Variants in THSD7A observed in about 807,000 individuals in gnomAD.
THSD7A encodes thrombospondin type-1 domain-containing protein 7A.
THSD7A carries 96 observed loss-of-function variants against 231.3 expected under a neutral mutation model. The ratio of observed to expected loss-of-function variants is 0.41; its 90% CI spans 0.35 to 0.49. The LOEUF (loss-of-function observed/expected upper bound fraction) is 0.49, where lower values mean the gene tolerates loss of function less well. THSD7A is among the 20% of genes least tolerant of loss of function. THSD7A has a pLI of 0.05. For missense variants in THSD7A, 2,290 were observed against 2,070.2 expected (o/e 1.11, Z -2.06); for synonymous variants, 940 against 743.3 (o/e 1.26, Z -4.30).
chr7:11,556,846 C>T (rs186291565), intron 4 of THSD7A, among the ~76,000 whole-genome samples: 23 of 152,070 alleles, frequency 1.5e-4, no homozygotes, highest in Non-Finnish European at 2.8e-4. Context: ...ATTTCTTTTT[C>T]TTGTAGTAAG....
Position 11,375,881 on chromosome 7 carries a change from G to T in THSD7A, c.4890-3C>A. The T allele has an allele frequency of 6.2e-7, 1 of 1,611,904 alleles. No individual in the cohort carries two copies. The highest frequency in any genetic ancestry group is 1.1e-5 in the South Asian group (1 of 90,978). ...TTTGGGGTTTCTTTGGCTTTTTGCT[G>T]TAAAAAAATTCGGAATTAGGAGAAA... is the stretch of plus-strand genomic sequence containing the variant. On this transcript the variant is annotated splice_polypyrimidine_tract_variant and splice_region_variant and intron_variant, in intron 27 of 27. Transcript: ENST00000423059.
intron 14 of THSD7A, among the ~76,000 whole-genome samples, chr7:11,428,434 C>A (rs1372449278): frequency 6.6e-6 from 1 of 152,138 alleles, no homozygotes; most frequent in East Asian, 1.9e-4. Flanking sequence ...AAATTGATAG[C>A]ATACTTACAG....
chr7:11,703,758 A>T (rs907637571), intron 1 of THSD7A, among the ~76,000 whole-genome samples: 2 of 151,346 alleles, frequency 1.3e-5, no homozygotes, highest in Admixed American at 1.3e-4. Context: ...GATCAAATAG[A>T]CTTGGATGGA....
In THSD7A at chr7:11,531,776, G is replaced by A. The variant is rs541251515; in HGVS notation, c.1822+9643C>T. ...ACACAGTGAGGTTAAAATGTCAGTA[G>A]GGTTTGGCTGGCACTTCCGGGTATA... is the stretch of plus-strand genomic sequence containing the variant. On this transcript the variant is annotated intron_variant, in intron 6 of 27. Transcript: ENST00000423059. Among the ~76,000 whole-genome samples the A allele has an allele frequency of 2.6e-5, 4 of 152,276 alleles. No individual in the cohort carries two copies. The South Asian group carries it at 8.3e-4, about 32-fold the overall frequency.
chr7:11,610,815 A>C (rs931973303), intron 2 of THSD7A, among the ~76,000 whole-genome samples: 4 of 152,180 alleles, frequency 2.6e-5, no homozygotes, highest in African/African-American at 9.6e-5. Context: ...ATATTTGTTC[A>C]ACTTAATGGA....
At chr7:11,447,803 G>A (rs977827382) in intron 11 of THSD7A, among the ~76,000 whole-genome samples, 4 of 152,134 alleles carry the variant, frequency 2.6e-5, no homozygotes, top group African/African-American at 9.7e-5. Flanking sequence ...TGAGCATAGG[G>A]TGTTTGGAGA....
In THSD7A at chr7:11,379,074, C is replaced by T; in HGVS notation, c.4797G>A (p.Gly1599=). ...RGRTWFLQPF[G]PDGRLKTWVY... ...ACACTAGTCTAGTCAGTTCACCTGG[C>T]CCAAATGGCTGTAGAAACCAGGTCC... Residue 1599 remains glycine (G), a synonymous_variant, in exon 26 of 28, where the codon GGG becomes GGA. Coordinates refer to ENST00000423059, the MANE Select transcript of THSD7A (RefSeq NM_015204.3). 1 of 1,612,950 alleles carries T rather than the reference C, an allele frequency of 6.2e-7. No individual in the cohort carries two copies. Among genetic ancestry groups the T allele is most frequent in the East Asian group, 2.2e-5 (1 of 44,850 alleles).
chr7:11,561,947 A>T (rs747621121), intron 4 of THSD7A, among the ~76,000 whole-genome samples: 27 of 152,198 alleles, frequency 1.8e-4, no homozygotes, highest in South Asian at 8.3e-4. Context: ...AAGCTGACTT[A>T]CCCACTATGC....
intron 9 of THSD7A, among the ~76,000 whole-genome samples, chr7:11,469,614 C>T (rs536847550): frequency 2.6e-5 from 4 of 152,196 alleles, no homozygotes; most frequent in East Asian, 3.9e-4. Flanking sequence ...TGAAAGTAAA[C>T]ACTATTAATA....
rs77080223 is a variant in THSD7A at position 11,376,880 on chromosome 7, A to T, written c.4802-223T>A. 4.7e-3 allele frequency: 1,701 copies of T among 363,480 alleles called. 26 individuals carry two copies. The highest frequency in any genetic ancestry group is 0.022 in the African/African-American group (1,057 of 48,134). The allele number at this position is 363,480 out of a possible 1,614,324, so 22.5% of individuals were successfully genotyped here. A position where few individuals can be genotyped will look rare whatever the true frequency, so the allele number is the denominator to read the frequency against. On this transcript the variant is annotated intron_variant, in intron 26 of 27. Transcript: ENST00000423059. ...AGGAAAACTGAACTGAAAAATTATA[A>T]ATGTTTGACTTCAGATTTCAAGTTT...
intron 6 of THSD7A, among the ~76,000 whole-genome samples, chr7:11,510,272 G>T (rs961462590): frequency 6.6e-6 from 1 of 152,124 alleles, no homozygotes; most frequent in South Asian, 2.1e-4. Context: ...TGAAGTTGAG[G>T]CAATAATTAA....
At chr7:11,623,333 C>T (rs987811602) in intron 2 of THSD7A, among the ~76,000 whole-genome samples, 1 of 152,106 alleles carries the variant, frequency 6.6e-6, no homozygotes, top group Non-Finnish European at 1.5e-5. Context: ...AATTTAAGAA[C>T]GCACTTGCAT....
intron 1 of THSD7A, among the ~76,000 whole-genome samples, chr7:11,782,512 T>C (rs939498903): frequency 6.6e-6 from 1 of 152,164 alleles, no homozygotes; most frequent in African/African-American, 2.4e-5. Flanking sequence ...GGAAGAAAAG[T>C]AATCTTTTAG....
chr7:11,533,360 T>G (rs1788783131), intron 6 of THSD7A, among the ~76,000 whole-genome samples: 1 of 152,110 alleles, frequency 6.6e-6, no homozygotes, highest in Non-Finnish European at 1.5e-5. Context: ...AACAGTGGAC[T>G]AGGAAACGAT....
chr7:11,703,678 G>A (rs1307555766), intron 1 of THSD7A, among the ~76,000 whole-genome samples: 1 of 151,194 alleles, frequency 6.6e-6, no homozygotes, highest in Non-Finnish European at 1.5e-5. Context: ...ACAATGTGGT[G>A]TCTGACTGTA....
At chr7:11,738,898 AG>A (rs1782009922) in intron 1 of THSD7A, among the ~76,000 whole-genome samples, 1 of 152,010 alleles carries the variant, frequency 6.6e-6, no homozygotes, top group South Asian at 2.1e-4. Flanking sequence ...TGACCTCCAA[AG>A]CTGTAAGATA....
chr7:11,471,530 T>A (rs1785937607), intron 8 of THSD7A, among the ~76,000 whole-genome samples: 1 of 152,192 alleles, frequency 6.6e-6, no homozygotes, highest in Middle Eastern at 3.4e-3. Context: ...ATAGATACTA[T>A]GCTTTATTCA....
chr7:11,409,902 C>G (rs1783722846), intron 19 of THSD7A, among the ~76,000 whole-genome samples: 1 of 152,008 alleles, frequency 6.6e-6, no homozygotes, highest in Non-Finnish European at 1.5e-5. Flanking sequence ...GCCACCACGC[C>G]CGGCTAATTT....
At position 11,541,633 on chromosome 7, in the gene THSD7A, T is replaced by C; in HGVS notation, c.1610-2A>G. 6.2e-7 allele frequency: 1 copy of C among 1,613,164 alleles called. No individual in the cohort carries two copies. Among genetic ancestry groups the C allele is most frequent in the Admixed American group, 1.7e-5 (1 of 59,912 alleles). On this transcript the variant is annotated splice_acceptor_variant, in intron 5 of 27. Transcript: ENST00000423059. LOFTEE classifies it high-confidence loss of function. ...TGCGCCGCTTCCTCAGTTTGAAGCC[T>C]GAATTATGGGGGAAGGAAAAATCTA... is the stretch of plus-strand genomic sequence containing the variant.
Sources: gnomAD v4.1 joint callset for allele counts (sites outside exome capture counted in the v4.1 genomes callset) on GRCh38, gnomAD v4.1.1 for gene constraint, MANE v1.5 for transcripts, NCBI Gene and HGNC (gene_info 2026-07-23, HGNC 2026-07-21) for gene names.